The following POC1B variants were observed in gnomAD, a reference collection of about 807,000 sequenced individuals.
POC1B encodes the protein POC1 centriolar protein homolog B.
Under a neutral mutation model 60.6 loss-of-function variants are expected in POC1B, and 44 were observed. The ratio of observed to expected loss-of-function variants is 0.73; its 90% CI spans 0.57 to 0.93. POC1B has a LOEUF of 0.93. POC1B is among the 40% of genes least tolerant of loss of function. The pLI is 0.00. For missense variants in POC1B, 555 were observed against 572.3 expected (o/e 0.97, Z 0.31); for synonymous variants, 180 against 198.9 (o/e 0.90, Z 0.80).
At chr12:89,413,071 G>A in the POC1B span, among the ~76,000 whole-genome samples, 1 of 152,008 alleles carries the variant, frequency 6.6e-6, no homozygotes, top group Non-Finnish European at 1.5e-5. Flanking sequence ...GCTAATTTTT[G>A]TACTTTTAGT....
intron 10 of POC1B, chr12:89,428,563 AT>A (rs1255530873): frequency 2.0e-4 from 30 of 149,128 alleles, no homozygotes; most frequent in African/African-American, 3.4e-4. Flanking sequence ...TTGTATACAG[AT>A]TTTTTTTTTT....
At chr12:89,444,414 A>G (rs1245463027) in intron 10 of POC1B, among the ~76,000 whole-genome samples, 1 of 152,222 alleles carries the variant, frequency 6.6e-6, no homozygotes, top group Admixed American at 6.5e-5. Flanking sequence ...ACCACGATCA[A>G]GTTGGCTTCA....
intron 9 of POC1B, chr12:89,460,666 T>C (rs1426810539): frequency 1.3e-5 from 2 of 152,178 alleles, no homozygotes; most frequent in African/African-American, 4.8e-5. Flanking sequence ...AATGCATGAA[T>C]TCAGAATTCA....
the POC1B span, among the ~76,000 whole-genome samples, chr12:89,407,178 C>T: frequency 1.3e-5 from 2 of 148,574 alleles, no homozygotes; most frequent in East Asian, 3.9e-4. Context: ...AAAAGGAAAC[C>T]AGAAATCTAG....
At chr12:89,469,059 G>A (rs1206783344) in intron 7 of POC1B, among the ~76,000 whole-genome samples, 2 of 152,188 alleles carry the variant, frequency 1.3e-5, no homozygotes, top group African/African-American at 4.8e-5. Context: ...GAGGTCAGGA[G>A]TTCAAAACAA....
chr12:89,505,981 C>G (rs568055170), intron 2 of POC1B, among the ~76,000 whole-genome samples: 84 of 152,256 alleles, frequency 5.5e-4, no homozygotes, highest in African/African-American at 1.9e-3. Flanking sequence ...GAATTTTGGC[C>G]TGGGCACTGA....
chr12:89,430,384 C>T (rs2120673917), intron 10 of POC1B, among the ~76,000 whole-genome samples: 1 of 152,246 alleles, frequency 6.6e-6, no homozygotes, highest in Non-Finnish European at 1.5e-5. Flanking sequence ...TTTAATGCAT[C>T]AATGAAAACT....
chr12:89,487,988 G>A (rs1868734342), intron 4 of POC1B, among the ~76,000 whole-genome samples: 1 of 152,084 alleles, frequency 6.6e-6, no homozygotes, highest in South Asian at 2.1e-4. Context: ...CTGAGGCCAA[G>A]ACTGTGTCTT....
At chr12:89,501,900 T>C in intron 2 of POC1B, 1 of 1,154,600 alleles carries the variant, frequency 8.7e-7, no homozygotes, top group Non-Finnish European at 1.3e-6. Context: ...ATGCTAAAGG[T>C]TCTGGAGGTA....
At chr12:89,486,657 G>A (rs1461445630) in intron 4 of POC1B, among the ~76,000 whole-genome samples, 2 of 152,098 alleles carry the variant, frequency 1.3e-5, no homozygotes, top group Non-Finnish European at 2.9e-5. Flanking sequence ...GGTGGGAGGA[G>A]GTAATCTGTG....
At chr12:89,481,809 C>A (rs1868373935) in intron 4 of POC1B, among the ~76,000 whole-genome samples, 1 of 152,118 alleles carries the variant, frequency 6.6e-6, no homozygotes, top group Admixed American at 6.5e-5. Context: ...AAGCTCTGAC[C>A]AGCCTTTTCT....
chr12:89,445,286 C>T (rs1424954358), intron 10 of POC1B, among the ~76,000 whole-genome samples: 1 of 152,160 alleles, frequency 6.6e-6, no homozygotes, highest in Non-Finnish European at 1.5e-5. Context: ...CAAAAAAGAG[C>T]TCATATTGCC....
At chr12:89,405,689 C>T in the POC1B span, among the ~76,000 whole-genome samples, 1 of 152,102 alleles carries the variant, frequency 6.6e-6, no homozygotes, top group Non-Finnish European at 1.5e-5. Flanking sequence ...GGGGCGGTGG[C>T]TCACACCTGT....
intron 2 of POC1B, chr12:89,523,758 A>T (rs758937502): frequency 6.5e-7 from 1 of 1,541,336 alleles, no homozygotes. Flanking sequence ...TATAGAATTC[A>T]AAAGTATTCC....
At position 89,476,773 on chromosome 12, in the gene POC1B, GA is replaced by G. The variant is rs1484871943; in HGVS notation, c.453-4499del. 3.0e-4 allele frequency among the ~76,000 whole-genome samples: 44 copies of G among 149,042 alleles called. 1 individual carries two copies. The East Asian group carries it at 8.5e-3, about 29-fold the overall frequency. ...AGATAGATAGATAGACAGACAGACA[GA>G]CAGACACTTTTATAAAAAATTCAAA... On this transcript the variant is annotated intron_variant, in intron 4 of 11. Transcript: ENST00000313546.
intron 3 of POC1B, among the ~76,000 whole-genome samples, chr12:89,492,450 C>T (rs572892828): frequency 4.6e-5 from 7 of 152,300 alleles, no homozygotes; most frequent in African/African-American, 9.6e-5. Context: ...ATGTGATAAA[C>T]GCTACTTTGT....
chr12:89,478,509 G>GC (rs1237399667), intron 4 of POC1B, among the ~76,000 whole-genome samples: 1 of 152,084 alleles, frequency 6.6e-6, no homozygotes, highest in African/African-American at 2.4e-5. Context: ...CTCACTCAAT[G>GC]CTCTATCCCC....
intron 10 of POC1B, among the ~76,000 whole-genome samples, chr12:89,447,069 C>T (rs1042319051): frequency 1.3e-5 from 2 of 152,132 alleles, no homozygotes; most frequent in African/African-American, 4.8e-5. Flanking sequence ...TAACACTTAA[C>T]TAAATATTAA....
chr12:89,417,929 C>T (rs1356010965), downstream of POC1B, among the ~76,000 whole-genome samples: 4 of 152,210 alleles, frequency 2.6e-5, no homozygotes. Flanking sequence ...GGAAAAAAAT[C>T]TGCAACTTAT....
Sources: allele counts gnomAD v4.1 joint callset (sites outside exome capture counted in the v4.1 genomes callset), GRCh38; gene constraint gnomAD v4.1.1; transcripts MANE v1.5; gene names NCBI Gene and HGNC (gene_info 2026-07-23, HGNC 2026-07-21).